Variants in PCDHGB5 observed in about 807,000 individuals in gnomAD.
PCDHGB5 encodes the protein protocadherin gamma subfamily B, 5, also known as protocadherin gamma-B5.
PCDHGB5 carries 48 observed loss-of-function variants against 62.9 expected under a neutral mutation model. The observed-to-expected ratio is 0.76, with a 90% CI of 0.61 to 0.97. The LOEUF is 0.97. Among genes scored for constraint, PCDHGB5 ranks in the 50% least tolerant of loss-of-function variants. The pLI, the probability that PCDHGB5 is intolerant of heterozygous loss-of-function variation, is 0.00. For synonymous variants in PCDHGB5, 474 were observed against 511.2 expected (o/e 0.93, Z 0.98); for missense variants, 1,118 against 1,198.6 (o/e 0.93, Z 0.99).
intron 1 of PCDHGB5, chr5:141,423,526 A>G (rs1229909527): frequency 6.2e-7 from 1 of 1,613,690 alleles, no homozygotes; most frequent in Non-Finnish European, 8.5e-7. Flanking sequence ...CTCGCAGAAG[A>G]GTCACCTGAT....
intron 1 of PCDHGB5, chr5:141,403,849 G>C (rs1422192604): frequency 6.2e-7 from 1 of 1,613,560 alleles, no homozygotes; most frequent in South Asian, 1.1e-5. Context: ...AAAATACTGG[G>C]GAAATATCAA....
rs1409333356 is a variant in PCDHGB5 at position 141,418,996 on chromosome 5, T to C, written c.2397+18472T>C. On this transcript the variant is annotated intron_variant, in intron 1 of 3. Coordinates refer to ENST00000617380, the MANE Select transcript of PCDHGB5 (RefSeq NM_018925.3). ...CACGGGACCAAGACTCAGGGGAAAATGGGGAAGTCAGGTGTAGCTTAAGTA... is the reference window on the plus strand; with the variant it reads ...CACGGGACCAAGACTCAGGGGAAAACGGGGAAGTCAGGTGTAGCTTAAGTA... 3.3e-5 allele frequency: 54 copies of C among 1,613,756 alleles called. 1 individual carries two copies. The East Asian group carries it at 1.0e-3, about 30-fold the overall frequency.
Position 141,477,202 on chromosome 5 carries a change from C to G in PCDHGB5, c.2398-17605C>G. 1 of 1,614,182 alleles carries G rather than the reference C, an allele frequency of 6.2e-7. No homozygotes were observed. The highest frequency in any genetic ancestry group is 1.1e-5 in the South Asian group (1 of 91,074). On this transcript the variant is annotated intron_variant, in intron 1 of 3. Transcript: ENST00000617380. This position sits in a 1 kb window ranked among gnomAD's most constrained non-coding sequence, Gnocchi z 4.9. ...TCACCTCCGTGTACAGCCCAGTACC[C>G]GAGGATGCCCCTCTGGGGACTGTCA...
chr5:141,490,605 C>A lies in PCDHGB5; in HGVS notation c.2398-4202C>A. On this transcript the variant is annotated intron_variant, in intron 1 of 3. Transcript: ENST00000617380. The surrounding 1 kb of genome is among the most constrained non-coding windows in gnomAD (Gnocchi z 5.4). ...TCAATGACAATGCACCCCGCTTCAA[C>A]CAGCAGCTTTACACTGCTTACATCC... 6.2e-6 allele frequency: 10 copies of A among 1,614,198 alleles called. No individual in the cohort carries two copies. The highest frequency in any genetic ancestry group is 8.5e-6 in the Non-Finnish European group (10 of 1,180,030).
intron 1 of PCDHGB5, among the ~76,000 whole-genome samples, chr5:141,473,390 A>T (rs554428702): frequency 1.3e-5 from 2 of 152,190 alleles, no homozygotes; most frequent in Non-Finnish European, 2.9e-5. Flanking sequence ...GCCCTCCTGG[A>T]GCTTCTTTTT....
chr5:141,462,792 G>C (rs2099046915), intron 1 of PCDHGB5, among the ~76,000 whole-genome samples: 1 of 152,080 alleles, frequency 6.6e-6, no homozygotes, highest in Admixed American at 6.6e-5. Flanking sequence ...TTGCTTATTT[G>C]CATGTCTAAT....
rs775989253 is a variant in PCDHGB5 at position 141,491,769 on chromosome 5, G to A, written c.2398-3038G>A. On this transcript the variant is annotated intron_variant, in intron 1 of 3. Transcript: ENST00000617380. The surrounding 1 kb of genome is among the most constrained non-coding windows in gnomAD (Gnocchi z 6.9). ...CTGGAGAAGCCGCCCGTCCTCATAA[G>A]GGATTGAACTTGCATCCACTCCTCT... 6.4e-7 allele frequency: 1 copy of A among 1,562,376 alleles called. No homozygotes were observed. Among genetic ancestry groups the A allele is most frequent in the African/African-American group, 1.4e-5 (1 of 73,058 alleles).
At chr5:141,423,674 C>T (rs57195665) in intron 1 of PCDHGB5, 3 of 1,514,742 alleles carry the variant, frequency 2.0e-6, no homozygotes, top group African/African-American at 1.5e-5. Context: ...AGATTTATTT[C>T]TCTGCCTCCT....
chr5:141,462,161 T>G (rs1592764918), intron 1 of PCDHGB5, among the ~76,000 whole-genome samples: 1 of 152,148 alleles, frequency 6.6e-6, no homozygotes, highest in Non-Finnish European at 1.5e-5. Flanking sequence ...GGTTTCATCA[T>G]GTTGGCCAGG....
In PCDHGB5 at chr5:141,512,848, G is replaced by C. The variant is rs1362051688; in HGVS notation, c.*1675G>C. The C allele has an allele frequency of 6.6e-6, 1 of 152,216 alleles. No individual in the cohort carries two copies. 9.4% of individuals were successfully genotyped at this position (152,216 alleles called of 1,614,324 possible). ...CCCCGTACTGACTTCTCCTATAAGC[G>C]CTTCTCTTCGCATAGTCACGTAGCT... On this transcript the variant is annotated 3_prime_UTR_variant, in exon 4 of 4. Transcript: ENST00000617380.
At chr5:141,415,284 G>A (rs186109113) in intron 1 of PCDHGB5, 27 of 1,614,198 alleles carry the variant, frequency 1.7e-5, no homozygotes, top group Non-Finnish European at 2.3e-5. Context: ...CGGTGGCCGC[G>A]GTCTCCTGCG....
At chr5:141,496,602 C>T (rs981108050) in intron 2 of PCDHGB5, among the ~76,000 whole-genome samples, 1 of 152,150 alleles carries the variant, frequency 6.6e-6, no homozygotes, top group Non-Finnish European at 1.5e-5. Flanking sequence ...TCTTAGAAGG[C>T]CCCTAAAAAG....
Position 141,476,935 on chromosome 5 carries a change from A to G in PCDHGB5, c.2398-17872A>G. The G allele has an allele frequency of 6.2e-7, 1 of 1,614,166 alleles. No homozygotes were observed. Among genetic ancestry groups the G allele is most frequent in the Non-Finnish European group, 8.5e-7 (1 of 1,180,046 alleles). Reference sequence around the variant, plus strand: ...AAGTCCTTGCAACGGATCTGGATGAAGGCCCCAACGGTGAAATTATTTACT... The same window carrying G: ...AAGTCCTTGCAACGGATCTGGATGAGGGCCCCAACGGTGAAATTATTTACT... On this transcript the variant is annotated intron_variant, in intron 1 of 3. Transcript: ENST00000617380. This position sits in a 1 kb window ranked among gnomAD's most constrained non-coding sequence, Gnocchi z 7.6.
rs538474552 is a variant in PCDHGB5, at chr5:141,415,070, C to T, written c.2397+14546C>T. The T allele has an allele frequency of 2.0e-5, 32 of 1,613,398 alleles. No homozygotes were observed. The African/African-American group carries it at 3.9e-4, about 19-fold the overall frequency. On this transcript the variant is annotated intron_variant, in intron 1 of 3. Transcript: ENST00000617380. Reference sequence around the variant, plus strand: ...GGGGAGCACACGGGCGAGGTGCGCACGGCGCGAGCCCTGCTGGACAGAGAC... The same window carrying T: ...GGGGAGCACACGGGCGAGGTGCGCATGGCGCGAGCCCTGCTGGACAGAGAC...
Position 141,485,422 on chromosome 5 carries a change from C to G in PCDHGB5, c.2398-9385C>G, listed in dbSNP as rs775279056. 6.2e-7 allele frequency: 1 copy of G among 1,614,130 alleles called. No homozygotes were observed. Among genetic ancestry groups the G allele is most frequent in the East Asian group, 2.2e-5 (1 of 44,872 alleles). ...TCCGTGTGGATTTGGACAGCGGAGC[C>G]CTGCTCATCAAGAACCCAATCGACC... On this transcript the variant is annotated intron_variant, in intron 1 of 3. Transcript: ENST00000617380. The surrounding 1 kb of genome is among the most constrained non-coding windows in gnomAD (Gnocchi z 5.7).
intron 3 of PCDHGB5, among the ~76,000 whole-genome samples, chr5:141,509,685 A>G (rs923641083): frequency 6.6e-6 from 1 of 152,166 alleles, no homozygotes. Flanking sequence ...TCTTCTGTAC[A>G]GTGGGACGTT....
chr5:141,398,568 G>C lies in PCDHGB5; in HGVS notation c.441G>C (p.Gln147His). 6.2e-7 allele frequency: 1 copy of C among 1,614,014 alleles called. No individual in the cohort carries two copies. Among genetic ancestry groups the C allele is most frequent in the African/African-American group, 1.3e-5 (1 of 75,052 alleles). Residue 147 changes from glutamine (Q) to histidine (H), a missense_variant, in exon 1 of 4, where the codon CAG (glutamine) becomes CAC (histidine). Gln to His is a conservative substitution (Grantham distance 24). Around this residue, in one of 2 missense-constraint regions of PCDHGB5, gnomAD observed 1,034 missense variants for 1,029.1 expected, o/e 1.00. Coordinates refer to ENST00000617380, the MANE Select transcript of PCDHGB5 (RefSeq NM_018925.3). ...SFELQISESAQPGTRFILEVA... is the reference protein window; with the variant it reads ...SFELQISESAHPGTRFILEVA... ...AGCTGCAAATAAGTGAGTCTGCACAGCCTGGCACAAGATTTATACTAGAAG... is the reference window on the plus strand; with the variant it reads ...AGCTGCAAATAAGTGAGTCTGCACACCCTGGCACAAGATTTATACTAGAAG...
intron 1 of PCDHGB5, chr5:141,424,481 G>A (rs1397559058): frequency 6.6e-6 from 1 of 152,056 alleles, no homozygotes; most frequent in Non-Finnish European, 1.5e-5. Flanking sequence ...TTACTTTGGT[G>A]TCTGTGTTTG....
chr5:141,443,849 T>A (rs1233479391), intron 1 of PCDHGB5, among the ~76,000 whole-genome samples: 2 of 152,136 alleles, frequency 1.3e-5, no homozygotes, highest in Admixed American at 1.3e-4. Flanking sequence ...ATATGGAAAG[T>A]CTGAAAACTG....
Sources: allele counts gnomAD v4.1 joint callset (sites outside exome capture counted in the v4.1 genomes callset), GRCh38; gene constraint gnomAD v4.1.1; regional missense constraint gnomAD v4.1.1; non-coding constraint Gnocchi (gnomAD v3.1); transcripts MANE v1.5; gene names NCBI Gene and HGNC (gene_info 2026-07-23, HGNC 2026-07-21).